SLC9C1: variants seen among roughly 807,000 people sequenced by gnomAD.
SLC9C1 encodes the protein sodium/hydrogen exchanger 10.
In SLC9C1, 97 loss-of-function variants were observed where a neutral mutation model predicts 140.9. The observed-to-expected ratio is 0.69, with a 90% CI of 0.58 to 0.82. SLC9C1 has a LOEUF of 0.82. Ranked by LOEUF, SLC9C1 falls within the 40% of genes least tolerant of loss-of-function variation. The pLI is 0.00. For missense variants in SLC9C1, 1,340 were observed against 1,389.3 expected (o/e 0.96, Z 0.56); for synonymous variants, 440 against 442.6 (o/e 0.99, Z 0.07).
chr3:112,155,285 AATCATC>A (rs2075098183), intron 26 of SLC9C1, among the ~76,000 whole-genome samples: 1 of 152,194 alleles, frequency 6.6e-6, no homozygotes, highest in Non-Finnish European at 1.5e-5. Context: ...AGAGCTACAA[AATCATC>A]TATCATTCCA....
intron 20 of SLC9C1, among the ~76,000 whole-genome samples, chr3:112,194,877 A>G (rs2077737240): frequency 6.6e-6 from 1 of 151,792 alleles, no homozygotes; most frequent in African/African-American, 2.4e-5. Context: ...TTGCATTTCC[A>G]TAATGATGAA....
At position 112,239,972 on chromosome 3, in the gene SLC9C1, C is replaced by T. The variant is rs774351782; in HGVS notation, c.1314G>A (p.Ser438=). The change falls in exon 12 of 29, where the codon TCG becomes TCA. Residue 438 remains serine, a synonymous_variant. Coordinates refer to ENST00000305815, the MANE Select transcript of SLC9C1 (RefSeq NM_183061.3). ...GAAAGTGTTGAAATGTGCAACAAAC[C>T]GATTTATATTTTGTTGATGTGGCAT... is the stretch of plus-strand genomic sequence containing the variant. ...LRDATSTKYK[S]VCCTFQHFQE... is the part of the protein sequence containing the mutation. 9.9e-6 allele frequency: 16 copies of T among 1,611,952 alleles called. No homozygotes were observed. The highest frequency in any genetic ancestry group is 8.0e-5 in the African/African-American group (6 of 74,826).
Position 112,239,882 on chromosome 3 carries a change from C to G in SLC9C1, c.1404G>C (p.Trp468Cys). ...GTGTAATTGCTTTCTCAATCATGTT[C>G]CAATCAGCATTAGCAAGATCTTTGT... ...KFDKDLANADWNMIEKAITLE... is the reference protein window; with the variant it reads ...KFDKDLANADCNMIEKAITLE... Residue 468 changes from tryptophan to cysteine, a missense_variant, in exon 12 of 29, where the codon TGG becomes TGC. Transcript: ENST00000305815. The G allele has an allele frequency of 6.2e-7, 1 of 1,613,548 alleles. No homozygotes were observed. Among genetic ancestry groups the G allele is most frequent in the Admixed American group, 1.7e-5 (1 of 59,942 alleles).
rs763849442 is a variant in SLC9C1 at position 112,180,610 on chromosome 3, CCTT to C, written c.2699_2701del (p.Glu900del). 1 of 1,613,514 alleles carries C rather than the reference CCTT, an allele frequency of 6.2e-7. No homozygotes were observed. The highest frequency in any genetic ancestry group is 8.5e-7 in the Non-Finnish European group (1 of 1,179,806). ...GATATAGATTCCTTTGGGCTCATCA[CCTT>C]CTTCAAATATATCATTTCCACAATC... On this transcript the variant is annotated inframe_deletion, in exon 22 of 29. Coordinates refer to ENST00000305815, the MANE Select transcript of SLC9C1 (RefSeq NM_183061.3).
At chr3:112,221,879 A>G (rs555961092) in intron 13 of SLC9C1, among the ~76,000 whole-genome samples, 16 of 152,288 alleles carry the variant, frequency 1.1e-4, no homozygotes, top group Non-Finnish European at 1.6e-4. Context: ...TATGCTGAAC[A>G]CTATTCAGAA....
chr3:112,207,639 C>G (rs1379103000), intron 16 of SLC9C1, among the ~76,000 whole-genome samples: 1 of 152,040 alleles, frequency 6.6e-6, no homozygotes, highest in African/African-American at 2.4e-5. Flanking sequence ...TATGTTTTCC[C>G]TTGTTCTTGT....
At chr3:112,208,594 C>G (rs2078119520) in intron 15 of SLC9C1, among the ~76,000 whole-genome samples, 1 of 152,046 alleles carries the variant, frequency 6.6e-6, no homozygotes, top group African/African-American at 2.4e-5. Flanking sequence ...TCTCCTTTTT[C>G]TTTCTCTCCC....
intron 7 of SLC9C1, among the ~76,000 whole-genome samples, chr3:112,268,656 G>T (rs979804655): frequency 6.6e-6 from 1 of 152,030 alleles, no homozygotes. Context: ...TAATTCTGTT[G>T]AATTTTCTAT....
chr3:112,159,825 C>CT (rs59593419), intron 26 of SLC9C1, among the ~76,000 whole-genome samples: 70,963 of 151,276 alleles, frequency 0.47, 16,972 homozygotes, highest in East Asian at 0.64. Context: ...CTTTTTTGTT[C>CT]TTTTTTTGGT....
chr3:112,188,259 A>C (rs370860559), intron 20 of SLC9C1, among the ~76,000 whole-genome samples: 1 of 152,260 alleles, frequency 6.6e-6, no homozygotes, highest in East Asian at 1.9e-4. Context: ...ATTATATTTT[A>C]AGTTCTAGGG....
chr3:112,286,661 G>T, intron 2 of SLC9C1, 43 bp downstream of exon 2: 2 of 1,488,566 alleles, frequency 1.3e-6, no homozygotes, highest in Non-Finnish European at 9.2e-7. Context: ...TTTATAAGAT[G>T]TACCGGAAGA....
chr3:112,249,930 T>G (rs1487281530), intron 10 of SLC9C1, among the ~76,000 whole-genome samples: 2 of 152,196 alleles, frequency 1.3e-5, no homozygotes, highest in Non-Finnish European at 2.9e-5. Flanking sequence ...TTTTAAATTA[T>G]ACTTTAAGTT....
chr3:112,166,230 T>G (rs1215502926), intron 26 of SLC9C1, among the ~76,000 whole-genome samples: 2 of 152,228 alleles, frequency 1.3e-5, no homozygotes, highest in Non-Finnish European at 2.9e-5. Flanking sequence ...GGTGAGGCAA[T>G]GCCTTGCCCT....
At chr3:112,169,136 T>C in intron 24 of SLC9C1, 61 bp downstream of exon 24, 1 of 1,583,468 alleles carries the variant, frequency 6.3e-7, no homozygotes, top group Non-Finnish European at 8.6e-7. Flanking sequence ...TAGTCAATTA[T>C]AATGTTTTAA....
At chr3:112,288,188 CTTTT>C (rs1256850054) in intron 1 of SLC9C1, among the ~76,000 whole-genome samples, 1 of 151,226 alleles carries the variant, frequency 6.6e-6, no homozygotes, top group Non-Finnish European at 1.5e-5. Context: ...TTATGTCTTC[CTTTT>C]TATTATAAAA....
At chr3:112,231,697 G>A (rs957311505) in intron 12 of SLC9C1, among the ~76,000 whole-genome samples, 2 of 152,118 alleles carry the variant, frequency 1.3e-5, no homozygotes, top group African/African-American at 4.8e-5. Flanking sequence ...TTTGCGGGGA[G>A]GAGTTATATC....
At chr3:112,192,946 A>G (rs2077694062) in intron 20 of SLC9C1, among the ~76,000 whole-genome samples, 1 of 152,196 alleles carries the variant, frequency 6.6e-6, no homozygotes, top group African/African-American at 2.4e-5. Context: ...CTGGTGGAAC[A>G]ATTGCCTCTT....
intron 13 of SLC9C1, among the ~76,000 whole-genome samples, chr3:112,225,887 A>G (rs963040440): frequency 2.0e-5 from 3 of 152,194 alleles, no homozygotes; most frequent in Non-Finnish European, 4.4e-5. Flanking sequence ...ACATATAAAT[A>G]CCAAAAACCA....
rs201762191 is a variant in SLC9C1, at chr3:112,155,994, C to CT, written c.3365-946dup. 1.2e-3 allele frequency among the ~76,000 whole-genome samples: 188 copies of CT among 151,110 alleles called. 2 individuals carry two copies. Among genetic ancestry groups the CT allele is most frequent in the African/African-American group, 4.1e-3 (171 of 41,226 alleles). On this transcript the variant is annotated intron_variant, in intron 26 of 28. Transcript: ENST00000305815. Reference sequence around the variant, plus strand: ...GATAACCATCACCTCAAACATTTATCTTTTTTTTTGTGTTGGGAAGATTAC... The same window carrying CT: ...GATAACCATCACCTCAAACATTTATCTTTTTTTTTTGTGTTGGGAAGATTAC...
Sources: gnomAD v4.1 joint callset for allele counts (sites outside exome capture counted in the v4.1 genomes callset) on GRCh38, gnomAD v4.1.1 for gene constraint, MANE v1.5 for transcripts, NCBI Gene and HGNC (gene_info 2026-07-23, HGNC 2026-07-21) for gene names.